Variants in WDR88 observed in about 807,000 individuals in gnomAD.
WDR88 encodes the protein WD repeat-containing protein 88.
In WDR88, 40 loss-of-function variants were observed where a neutral mutation model predicts 46.8. The ratio of observed to expected loss-of-function variants is 0.86; its 90% CI spans 0.66 to 1.11. WDR88 has a LOEUF of 1.11. WDR88 is among the 50% of genes most tolerant of loss of function. The pLI, the probability that WDR88 is intolerant of heterozygous loss-of-function variation, is 0.00. For missense variants in WDR88, 562 were observed against 602.4 expected, an observed-to-expected ratio of 0.93 and a Z score of 0.70; for synonymous variants, 235 against 240.7, an observed-to-expected ratio of 0.98 and a Z score of 0.22.
intron 6 of WDR88, among the ~76,000 whole-genome samples, chr19:33,154,902 C>G (rs1028038932): frequency 1.3e-5 from 2 of 152,078 alleles, no homozygotes; most frequent in Non-Finnish European, 2.9e-5. Context: ...TTCAAAGAAC[C>G]AAAATGGGTT....
chr19:33,175,283 A>G, intron 10 of WDR88, 113 bp from the exon 11 acceptor site: 3 of 1,126,826 alleles, frequency 2.7e-6, no homozygotes, highest in Non-Finnish European at 3.9e-6. Flanking sequence ...GATTCCAGAG[A>G]GGGGAACCCT....
intron 10 of WDR88, chr19:33,174,434 C>T (rs940113772): frequency 2.2e-6 from 3 of 1,373,838 alleles, no homozygotes; most frequent in Non-Finnish European, 2.8e-6. Context: ...ATGGTGGGAA[C>T]CCCTGAGGGG....
In WDR88 at chr19:33,148,847, G is replaced by C; in HGVS notation, c.616G>C (p.Asp206His). ...TGGTAAATACGTGGTCTCAGGCTTC[G>C]ACGTGGATCATGGAATCTGCATAAT... ...PDGKYVVSGF[D>H]VDHGICIMDA... Residue 206 changes from aspartate to histidine, a missense_variant, in exon 5 of 11, where the codon GAC becomes CAC. Coordinates refer to ENST00000355868, the MANE Select transcript of WDR88 (RefSeq NM_173479.4). 1 of 1,614,004 alleles carries C rather than the reference G, an allele frequency of 6.2e-7. No individual in the cohort carries two copies. Among genetic ancestry groups the C allele is most frequent in the Non-Finnish European group, 8.5e-7 (1 of 1,179,998 alleles).
At chr19:33,164,509 G>T (rs1326720162) in intron 9 of WDR88, among the ~76,000 whole-genome samples, 1 of 152,248 alleles carries the variant, frequency 6.6e-6, no homozygotes. Context: ...TGGAAAAAGA[G>T]TCTGGCTGGA....
chr19:33,132,355 C>T lies in WDR88; in HGVS notation c.186C>T (p.Ala62=). 6.2e-7 allele frequency: 1 copy of T among 1,614,102 alleles called. No individual in the cohort carries two copies. Among genetic ancestry groups the T allele is most frequent in the African/African-American group, 1.3e-5 (1 of 75,048 alleles). ...THLLATLDPL[A]LDREPPPHLL... ...TGCTGGCCACCCTCGACCCCCTGGC[C>T]TTGGACAGGGAACCACCACCGCATC... Residue 62 remains alanine (A), a synonymous_variant, in exon 1 of 11, where the codon GCC becomes GCT. Transcript: ENST00000355868.
chr19:33,133,242 AAGAAGG>A (rs11279350), intron 1 of WDR88, among the ~76,000 whole-genome samples: 17,970 of 150,684 alleles, frequency 0.12, 1,404 homozygotes, highest in Admixed American at 0.27. Context: ...AAAAGAAAGA[AAGAAGG>A]AGAAAGAAAG....
intron 4 of WDR88, among the ~76,000 whole-genome samples, 187 bp downstream of exon 4, chr19:33,147,895 G>C (rs999363579): frequency 1.3e-5 from 2 of 152,104 alleles, no homozygotes; most frequent in Non-Finnish European, 2.9e-5. Context: ...CTTGCAAAAA[G>C]TCTGGAGGGT....
chr19:33,154,587 T>G (rs1973699278), intron 6 of WDR88, among the ~76,000 whole-genome samples: 1 of 152,234 alleles, frequency 6.6e-6, no homozygotes, highest in Non-Finnish European at 1.5e-5. Context: ...TACCACATTT[T>G]CTTTATCCGG....
intron 2 of WDR88, among the ~76,000 whole-genome samples, chr19:33,144,261 G>T (rs1418914655): frequency 6.6e-6 from 1 of 152,102 alleles, no homozygotes; most frequent in Admixed American, 6.6e-5. Flanking sequence ...ATGAAGTGGC[G>T]CAATCTTAGC....
Position 33,160,358 on chromosome 19 carries a change from G to A in WDR88, c.998-56G>A. On this transcript the variant is annotated intron_variant, in intron 7 of 10. Coordinates refer to ENST00000355868, the MANE Select transcript of WDR88 (RefSeq NM_173479.4). ...CCAAGGCATCTTCAGCTGGCTTTGG[G>A]CTCACTTGGCTTGGAAAGTTGACCC... is the stretch of plus-strand genomic sequence containing the variant. 3.2e-6 allele frequency: 5 copies of A among 1,583,490 alleles called. No individual in the cohort carries two copies. The Admixed American group carries it at 8.4e-5, about 26-fold the overall frequency.
In WDR88 at chr19:33,161,087, C is replaced by T. The variant is rs1005505034; in HGVS notation, c.1080+591C>T. ...ACTTGGGAGGCTGAGGTGGGAGGAT[C>T]GCTTGAACCCGGGAGGCGGAGGTTG... On this transcript the variant is annotated intron_variant, in intron 8 of 10. Coordinates refer to ENST00000355868, the MANE Select transcript of WDR88 (RefSeq NM_173479.4). Among the ~76,000 whole-genome samples, 4 of 152,074 alleles carry T rather than the reference C, an allele frequency of 2.6e-5. No individual in the cohort carries two copies. In the East Asian group the frequency reaches 5.8e-4, roughly 22 times the overall value.
intron 7 of WDR88, among the ~76,000 whole-genome samples, chr19:33,159,435 T>TA (rs1568368362): frequency 6.6e-6 from 1 of 152,156 alleles, no homozygotes; most frequent in African/African-American, 2.4e-5. Flanking sequence ...TTGCCGTTCC[T>TA]AAGCGCGAGA....
At chr19:33,162,341 C>T (rs906976679) in intron 8 of WDR88, among the ~76,000 whole-genome samples, 2 of 152,004 alleles carry the variant, frequency 1.3e-5, no homozygotes, top group South Asian at 2.1e-4. Flanking sequence ...GCTGGGACTA[C>T]AGGTGCCCAC....
Position 33,132,376 on chromosome 19 carries a change from G to A in WDR88, c.207G>A (p.Pro69=). Residue 69 remains proline (P), a synonymous_variant, in exon 1 of 11, where the codon CCG becomes CCA. Coordinates refer to ENST00000355868, the MANE Select transcript of WDR88 (RefSeq NM_173479.4). Reference sequence around the variant, plus strand: ...TGGCCTTGGACAGGGAACCACCACCGCATCTGTTGCCTGAGAAGCACCAGG... The same window carrying A: ...TGGCCTTGGACAGGGAACCACCACCACATCTGTTGCCTGAGAAGCACCAGG... ...DPLALDREPP[P]HLLPEKHQVP... 6.2e-7 allele frequency: 1 copy of A among 1,614,078 alleles called. No individual in the cohort carries two copies. The highest frequency in any genetic ancestry group is 8.5e-7 in the Non-Finnish European group (1 of 1,180,020).
intron 9 of WDR88, among the ~76,000 whole-genome samples, chr19:33,165,537 G>T (rs1448340334): frequency 6.6e-6 from 1 of 152,116 alleles, no homozygotes; most frequent in African/African-American, 2.4e-5. Context: ...CAGGACTAGT[G>T]AACAGCGACA....
At chr19:33,156,601 C>T (rs1171944907) in intron 7 of WDR88, 59 bp downstream of exon 7, 1 of 1,542,304 alleles carries the variant, frequency 6.5e-7, no homozygotes, top group Non-Finnish European at 8.8e-7. Context: ...CAGAGTTCTC[C>T]ATGTTCCGTT....
Position 33,132,194 on chromosome 19 carries a change from C to G in WDR88, c.25C>G (p.Pro9Ala). Residue 9 changes from proline (P) to alanine (A), a missense_variant, in exon 1 of 11, where the codon CCG (proline) becomes GCG (alanine). Pro to Ala is a conservative substitution (Grantham distance 27). Transcript: ENST00000355868. ...GATGGCCTCCCCGCCGCGGTGCTCC[C>G]CGACAGCCCATGACAGGGAATGCAA... MASPPRCS[P>A]TAHDRECKLP... 6.2e-7 allele frequency: 1 copy of G among 1,602,836 alleles called. No homozygotes were observed. The highest frequency in any genetic ancestry group is 8.5e-7 in the Non-Finnish European group (1 of 1,177,184).
At chr19:33,157,738 A>ATATAT (rs1973789417) in intron 7 of WDR88, among the ~76,000 whole-genome samples, 1 of 47,560 alleles carries the variant, frequency 2.1e-5, no homozygotes, top group Non-Finnish European at 2.9e-5. Context: ...TATATATATA[A>ATATAT]AATTAAAGAG....
rs1467935054 is a variant in WDR88 at position 33,132,463 on chromosome 19, G to A, written c.276+18G>A. 6.2e-7 allele frequency: 1 copy of A among 1,611,998 alleles called. No individual in the cohort carries two copies. Among genetic ancestry groups the A allele is most frequent in the East Asian group, 2.2e-5 (1 of 44,820 alleles). ...TCTCCAAGGTCAGAACCGCCGCTGG[G>A]GTGAGGGGGCACTGGCCTGTTCCCC... On this transcript the variant is annotated intron_variant, in intron 1 of 10. Transcript: ENST00000355868.
Sources: gnomAD v4.1 joint callset for allele counts (sites outside exome capture counted in the v4.1 genomes callset) on GRCh38, gnomAD v4.1.1 for gene constraint, MANE v1.5 for transcripts, NCBI Gene and HGNC (gene_info 2026-07-23, HGNC 2026-07-21) for gene names.